CEP126: variants seen among roughly 807,000 people sequenced by gnomAD.
CEP126 encodes centrosomal protein 126, also known as centrosomal protein of 126 kDa.
CEP126 carries 74 observed loss-of-function variants against 107.8 expected under a neutral mutation model. The observed-to-expected ratio is 0.69, with a 90% CI of 0.57 to 0.83. The LOEUF (loss-of-function observed/expected upper bound fraction) is 0.83. CEP126 is among the 40% of genes least tolerant of loss of function. The probability of loss-of-function intolerance (pLI) is 0.00; values close to 1 mark genes in which losing one functional copy is unlikely to be tolerated. For synonymous variants in CEP126, 449 were observed against 446.0 expected (o/e 1.01, Z -0.08); for missense variants, 1,237 against 1,281.9 (o/e 0.96, Z 0.53).
chr11:101,945,341 G>A (rs980446676), intron 3 of CEP126, among the ~76,000 whole-genome samples: 8 of 152,118 alleles, frequency 5.3e-5, no homozygotes, highest in Non-Finnish European at 5.9e-5. Context: ...TGTATCTGAA[G>A]CATAGGATGG....
At chr11:101,986,768 A>G (rs1273758187) in intron 8 of CEP126, 64 bp from the exon 9 acceptor site, 1 of 1,151,616 alleles carries the variant, frequency 8.7e-7, no homozygotes, top group Non-Finnish European at 1.3e-6. Flanking sequence ...ATATGTAAGT[A>G]TATATAAGGG....
chr11:101,949,788 G>A (rs1591278997), intron 4 of CEP126, among the ~76,000 whole-genome samples: 1 of 152,210 alleles, frequency 6.6e-6, no homozygotes, highest in East Asian at 1.9e-4. Flanking sequence ...AACAAAGGAT[G>A]GTAAAGCACC....
intron 3 of CEP126, among the ~76,000 whole-genome samples, chr11:101,947,585 C>A (rs935756919): frequency 1.3e-5 from 2 of 152,070 alleles, no homozygotes; most frequent in African/African-American, 4.8e-5. Context: ...GTAAAATATA[C>A]CTCATAGGCC....
At chr11:101,956,556 C>T (rs377372055) in intron 4 of CEP126, 7 of 456,354 alleles carry the variant, frequency 1.5e-5, no homozygotes, top group East Asian at 6.9e-5. Flanking sequence ...TCTACTTCCA[C>T]ATCCTTTTCT....
Position 101,963,332 on chromosome 11 carries a change from A to T in CEP126, c.2297A>T (p.Gln766Leu), listed in dbSNP as rs1057478440. ...AGAAAACCAGGATCTGCAAAAGTCC[A>T]ATCAGGCTTTATATGTACAAACAGA... is the stretch of plus-strand genomic sequence containing the variant. ...IIRKPGSAKV[Q>L]SGFICTNRKG... The change falls in exon 6 of 11, where the codon CAA (glutamine) becomes CTA (leucine). Residue 766 changes from glutamine (Q) to leucine (L), a missense_variant. Gln to Leu is a moderately radical substitution (Grantham distance 113). Transcript: ENST00000263468. 6.2e-7 allele frequency: 1 copy of T among 1,613,990 alleles called. No individual in the cohort carries two copies. The highest frequency in any genetic ancestry group is 8.5e-7 in the Non-Finnish European group (1 of 1,179,994).
chr11:101,989,786 C>T (rs1591296377), intron 9 of CEP126, among the ~76,000 whole-genome samples: 1 of 152,182 alleles, frequency 6.6e-6, no homozygotes, highest in South Asian at 2.1e-4. Context: ...GGTGAAACCC[C>T]GTCTCTATTA....
chr11:101,972,131 A>G (rs889126126), intron 6 of CEP126, among the ~76,000 whole-genome samples: 1 of 151,794 alleles, frequency 6.6e-6, no homozygotes, highest in African/African-American at 2.4e-5. Context: ...ATAAAATAAG[A>G]AAGAAAAGAA....
chr11:101,967,025 C>CTTTTTTTTTTTT (rs759877416), intron 6 of CEP126, among the ~76,000 whole-genome samples: 4 of 107,090 alleles, frequency 3.7e-5, no homozygotes, highest in African/African-American at 1.1e-4. Flanking sequence ...CTCTTTCTTT[C>CTTTTTTTTTTTT]TTTTTTTTTT....
chr11:101,947,149 T>A (rs919215382), intron 3 of CEP126, among the ~76,000 whole-genome samples: 1 of 152,174 alleles, frequency 6.6e-6, no homozygotes, highest in African/African-American at 2.4e-5. Flanking sequence ...ATTGTAATAA[T>A]GGAAAAGTTT....
chr11:101,958,915 G>A lies in CEP126; in HGVS notation c.705+549G>A, dbSNP rs151122475. 3.7e-3 allele frequency among the ~76,000 whole-genome samples: 563 copies of A among 152,298 alleles called. 2 individuals are homozygous for A. The highest frequency in any genetic ancestry group is 0.01 in the Middle Eastern group (3 of 294). On this transcript the variant is annotated intron_variant, in intron 5 of 10. Transcript: ENST00000263468. ...AAACAGAAGATTCCTGGCAGCTATC[G>A]TGATGTGCCTTCCTACCATAAACAA...
chr11:101,928,501 T>A (rs1309153408), intron 2 of CEP126, among the ~76,000 whole-genome samples: 1 of 152,238 alleles, frequency 6.6e-6, no homozygotes, highest in African/African-American at 2.4e-5. Context: ...TTTTATGTTT[T>A]ACAGTTAAGT....
intron 4 of CEP126, chr11:101,956,902 G>C (rs1357140287): frequency 1.1e-5 from 4 of 359,960 alleles, no homozygotes; most frequent in Non-Finnish European, 2.2e-5. Context: ...GAGTAGAGAA[G>C]AAAGGAATAG....
chr11:101,918,752 G>A (rs1250208852), intron 1 of CEP126, among the ~76,000 whole-genome samples: 1 of 152,304 alleles, frequency 6.6e-6, no homozygotes, highest in South Asian at 2.1e-4. Flanking sequence ...TGCCAGGCGT[G>A]AGAGTTACAG....
chr11:101,916,874 C>G (rs865839800), intron 1 of CEP126, among the ~76,000 whole-genome samples: 2 of 151,822 alleles, frequency 1.3e-5, no homozygotes, highest in African/African-American at 4.8e-5. Context: ...ATGAACACAA[C>G]CAAATAGACT....
At chr11:101,943,609 A>G (rs1248902702) in intron 2 of CEP126, among the ~76,000 whole-genome samples, 2 of 151,806 alleles carry the variant, frequency 1.3e-5, no homozygotes, top group Admixed American at 6.6e-5. Context: ...AGCTTAAACT[A>G]GAGAACATAA....
intron 1 of CEP126, chr11:101,916,070 T>G (rs1436839224): frequency 6.6e-6 from 1 of 152,244 alleles, no homozygotes. Flanking sequence ...GGAGAAGTAT[T>G]TTGTTATCAA....
At chr11:101,983,524 A>G (rs1941281044) in intron 8 of CEP126, among the ~76,000 whole-genome samples, 1 of 152,202 alleles carries the variant, frequency 6.6e-6, no homozygotes, top group Non-Finnish European at 1.5e-5. Flanking sequence ...ATTGAAGAGA[A>G]CCATGAATAT....
At chr11:101,930,068 C>T (rs1940471581) in intron 2 of CEP126, among the ~76,000 whole-genome samples, 1 of 148,634 alleles carries the variant, frequency 6.7e-6, no homozygotes, top group Non-Finnish European at 1.5e-5. Context: ...AAAAGAAAAC[C>T]CAGAGAACTT....
At chr11:101,952,006 C>T (rs1403972746) in intron 4 of CEP126, among the ~76,000 whole-genome samples, 3 of 152,122 alleles carry the variant, frequency 2.0e-5, no homozygotes, top group Non-Finnish European at 4.4e-5. Flanking sequence ...TGGAGGTATT[C>T]AATAAATACC....
Sources: allele counts gnomAD v4.1 joint callset (sites outside exome capture counted in the v4.1 genomes callset), GRCh38; gene constraint gnomAD v4.1.1; transcripts MANE v1.5; gene names NCBI Gene and HGNC (gene_info 2026-07-23, HGNC 2026-07-21).